The following RFC1 variants were observed in gnomAD, a reference collection of about 807,000 sequenced individuals.
RFC1 encodes the protein replication factor C subunit 1, also known as A1 140 kDa subunit.
A neutral mutation model predicts 137.4 loss-of-function variants in RFC1; 37 were observed. That is an observed-to-expected ratio of 0.27 (90% CI 0.21 to 0.35). The LOEUF is 0.35. Ranked by LOEUF, RFC1 falls within the 10% of genes least tolerant of loss-of-function variation. The pLI, the probability that RFC1 is intolerant of heterozygous loss-of-function variation, is 1.00. For missense variants in RFC1, 1,205 were observed against 1,358.5 expected, an observed-to-expected ratio of 0.89 and a Z score of 1.78; for synonymous variants, 429 against 455.7, an observed-to-expected ratio of 0.94 and a Z score of 0.75.
chr4:39,299,610 C>CAAA lies in RFC1; in HGVS notation c.2808+408_2808+410dup, dbSNP rs970461214. Among the ~76,000 whole-genome samples the CAAA allele has an allele frequency of 5.4e-4, 22 of 40,444 alleles. 1 individual carries two copies. The highest frequency in any genetic ancestry group is 2.1e-3 in the East Asian group (3 of 1,454). The allele number at this position is 40,444 out of a possible 152,430, so 26.5% of individuals were successfully genotyped here. On this transcript the variant is annotated intron_variant, in intron 21 of 24. Coordinates refer to ENST00000349703, the MANE Select transcript of RFC1 (RefSeq NM_002913.5). ...CCTGGGCAACACAGCAACACTGTCT[C>CAAA]AAAAAAAAAAAAAAAAAAAGAAAGA...
At chr4:39,341,440 C>T (rs1473915884) in intron 4 of RFC1, 5 of 362,604 alleles carry the variant, frequency 1.4e-5, no homozygotes, top group Non-Finnish European at 2.7e-5. Flanking sequence ...AACAAAGAAA[C>T]GTCTGTTTGG....
intron 2 of RFC1, among the ~76,000 whole-genome samples, chr4:39,348,422 C>CAAAAAAGAA (rs1740974491): frequency 2.2e-5 from 1 of 46,136 alleles, no homozygotes; most frequent in Admixed American, 2.2e-4. Flanking sequence ...GACTCTGTTT[C>CAAAAAAGAA]AAAAAAGAAA....
At chr4:39,352,713 A>G (rs1741268518) in intron 1 of RFC1, among the ~76,000 whole-genome samples, 2 of 152,130 alleles carry the variant, frequency 1.3e-5, no homozygotes, top group African/African-American at 4.8e-5. Flanking sequence ...CCTTCATATT[A>G]CTGAAACACT....
chr4:39,303,205 CAAAAACTGCTGCTCTGTAG>C, intron 15 of RFC1, 54 bp from the exon 16 acceptor site: 1 of 1,168,618 alleles, frequency 8.6e-7, no homozygotes, highest in Non-Finnish European at 1.3e-6. Context: ...AACAATTGCT[CAAAAACTGCTGCTCTGTAG>C]AAAATTATGT....
chr4:39,300,537 G>T, intron 19 of RFC1, 123 bp from the exon 20 acceptor site: 1 of 709,290 alleles, frequency 1.4e-6, no homozygotes, highest in Non-Finnish European at 2.4e-6. Context: ...ATGCAAAACT[G>T]TACCGTTTGG....
chr4:39,319,812 C>T lies in RFC1; in HGVS notation c.1095+571G>A, dbSNP rs17334985. Among the ~76,000 whole-genome samples the T allele has an allele frequency of 8.5e-3, 1,291 of 152,158 alleles. 11 individuals carry two copies. The highest frequency in any genetic ancestry group is 0.014 in the African/African-American group (586 of 41,498). The stretch of plus-strand genomic sequence containing the variant: ...ACCAAGCCGGCTACCAAGTGACTAA[C>T]GGGTGGGTAGTGTATCCAGCATGGT... On this transcript the variant is annotated intron_variant, in intron 9 of 24. Coordinates refer to ENST00000349703, the MANE Select transcript of RFC1 (RefSeq NM_002913.5).
chr4:39,351,265 A>C (rs1400873986), intron 2 of RFC1, 83 bp downstream of exon 2: 1 of 340,100 alleles, frequency 2.9e-6, no homozygotes, highest in Non-Finnish European at 4.5e-6. Context: ...AAAAAAAAAA[A>C]AAAAAAAAAA....
At chr4:39,329,172 T>C (rs746276660) in intron 4 of RFC1, among the ~76,000 whole-genome samples, 1 of 79,212 alleles carries the variant, frequency 1.3e-5, no homozygotes. Context: ...ATTTGGCCTA[T>C]AAACAAAAGA....
intron 23 of RFC1, 126 bp downstream of exon 23, chr4:39,291,513 A>G: frequency 1.5e-6 from 1 of 685,098 alleles, no homozygotes; most frequent in Non-Finnish European, 2.6e-6. Context: ...TATAGGCCAT[A>G]AGAAGCAACA....
rs752817616 is a variant in RFC1 at position 39,316,989 on chromosome 4, T to G, written c.1129A>C (p.Thr377Pro). ...VSPEDSEKKRTNYQAYRSYLN... is the reference protein window; with the variant it reads ...VSPEDSEKKRPNYQAYRSYLN... ...TAGCTTCGATAAGCTTGATAATTAG[T>G]GCGTTTCTTTTCAGAATCTTCAGGA... The change falls in exon 10 of 25, where the codon ACT becomes CCT. Residue 377 changes from threonine (T) to proline (P), a missense_variant. This residue lies in a region of RFC1 where 962 missense variants were observed against 1,035.3 expected (regional missense o/e 0.93). Coordinates refer to ENST00000349703, the MANE Select transcript of RFC1 (RefSeq NM_002913.5). 6.2e-7 allele frequency: 1 copy of G among 1,614,038 alleles called. No individual in the cohort carries two copies. The highest frequency in any genetic ancestry group is 1.1e-5 in the South Asian group (1 of 91,078).
At chr4:39,299,000 T>C (rs1235106694) in intron 21 of RFC1, among the ~76,000 whole-genome samples, 4 of 152,176 alleles carry the variant, frequency 2.6e-5, no homozygotes, top group Non-Finnish European at 4.4e-5. Flanking sequence ...GACATGTTCA[T>C]GATGGCCCTA....
intron 2 of RFC1, 60 bp downstream of exon 2, chr4:39,351,282 AAAACTT>A: frequency 1.1e-5 from 6 of 535,042 alleles, no homozygotes; most frequent in Non-Finnish European, 1.6e-5. Context: ...AAAAAAAAAA[AAAACTT>A]ATAAGAACTG....
At position 39,326,224 on chromosome 4, in the gene RFC1, A is replaced by G. The variant is rs765753621; in HGVS notation, c.642+339T>C. On this transcript the variant is annotated intron_variant, in intron 6 of 24. Transcript: ENST00000349703. Reference sequence around the variant, plus strand: ...CAAAAAATAAAAAATAAAAACTCCAATGGTTTCCCATTTGGAAGAAACTAA... The same window carrying G: ...CAAAAAATAAAAAATAAAAACTCCAGTGGTTTCCCATTTGGAAGAAACTAA... 1.1e-4 allele frequency among the ~76,000 whole-genome samples: 16 copies of G among 152,248 alleles called. No individual in the cohort carries two copies. The East Asian group carries it at 1.4e-3, about 13-fold the overall frequency.
At position 39,306,665 on chromosome 4, in the gene RFC1, G is replaced by A. The variant is rs755342067; in HGVS notation, c.1922C>T (p.Ser641Phe). Residue 641 changes from serine to phenylalanine, a missense_variant, in exon 14 of 25, where the codon TCT (serine) becomes TTT (phenylalanine). By Grantham distance (155) the Ser-to-Phe change is radical. Coordinates refer to ENST00000349703, the MANE Select transcript of RFC1 (RefSeq NM_002913.5). ...TGACAGCAACGCTGCTTTAAAACTA[G>A]AGCCATCATCTTTGCCGGAAAATTT... Reference protein sequence around the residue: ...FGKFSGKDDGSSFKAALLSGP... With the variant: ...FGKFSGKDDGFSFKAALLSGP... 1 of 1,613,894 alleles carries A rather than the reference G, an allele frequency of 6.2e-7. No individual in the cohort carries two copies. Among genetic ancestry groups the A allele is most frequent in the South Asian group, 1.1e-5 (1 of 91,078 alleles).
chr4:39,313,095 A>G (rs770761019), intron 10 of RFC1, among the ~76,000 whole-genome samples, 164 bp from the exon 11 acceptor site: 4 of 152,236 alleles, frequency 2.6e-5, no homozygotes, highest in Non-Finnish European at 5.9e-5. Flanking sequence ...ACCACCTGAA[A>G]TTAGATCCTA....
In RFC1 at chr4:39,320,366, A is replaced by C. The variant is rs751759266; in HGVS notation, c.1095+17T>G. On this transcript the variant is annotated intron_variant, in intron 9 of 24. Transcript: ENST00000349703. ...CTCCATCTCAAAAAAAAAAAAAAAA[A>C]AAAACAAAGTTCTTACCTCTTTTTT... is the stretch of plus-strand genomic sequence containing the variant. 1.2e-5 allele frequency: 18 copies of C among 1,486,728 alleles called. No individual in the cohort carries two copies. Among genetic ancestry groups the C allele is most frequent in the Admixed American group, 2.6e-5 (1 of 38,222 alleles). The allele number at this position is 1,486,728 out of a possible 1,614,324, so 92.1% of individuals were successfully genotyped here. A position where few individuals can be genotyped will look rare whatever the true frequency, so the allele number is the denominator to read the frequency against.
chr4:39,341,695 G>A, intron 4 of RFC1: 5 of 455,966 alleles, frequency 1.1e-5, no homozygotes, highest in African/African-American at 2.0e-5. Flanking sequence ...CAATCAAAAT[G>A]ACTTCACCAC....
rs142846941 is a variant in RFC1, at chr4:39,321,345, C to G, written c.750G>C (p.Thr250=). ...KARKDTEAGE[T]FSSVQANLSK... is the part of the protein sequence containing the mutation. ...TTAAATTGGCTTGGACAGATGAAAA[C>G]GTTTCTCCCGCTTCTGTGTCCTTTC... Residue 250 remains threonine (T), a synonymous_variant, in exon 8 of 25, where the codon ACG becomes ACC. Coordinates refer to ENST00000349703, the MANE Select transcript of RFC1 (RefSeq NM_002913.5). 6.2e-7 allele frequency: 1 copy of G among 1,613,670 alleles called. No individual in the cohort carries two copies. The highest frequency in any genetic ancestry group is 1.1e-5 in the South Asian group (1 of 91,024).
intron 1 of RFC1, among the ~76,000 whole-genome samples, chr4:39,354,748 T>TA (rs1741374018): frequency 2.5e-5 from 1 of 40,146 alleles, no homozygotes; most frequent in African/African-American, 1.4e-4. Context: ...TGAAACTATC[T>TA]CAAAAAAAAA....
Sources: gnomAD v4.1 joint callset for allele counts (sites outside exome capture counted in the v4.1 genomes callset) on GRCh38, gnomAD v4.1.1 for gene constraint, gnomAD v4.1.1 regional missense constraint, MANE v1.5 for transcripts, NCBI Gene and HGNC (gene_info 2026-07-23, HGNC 2026-07-21) for gene names.